PMEPA1: variants seen among roughly 807,000 people sequenced by gnomAD.
The protein encoded by PMEPA1 is protein TMEPAI.
A neutral mutation model predicts 23.0 loss-of-function variants in PMEPA1; 11 were observed. The ratio of observed to expected loss-of-function variants is 0.48; its 90% CI spans 0.30 to 0.79. PMEPA1 has a LOEUF of 0.79. Ranked by LOEUF, PMEPA1 falls within the 30% of genes least tolerant of loss-of-function variation. The pLI is 0.06. For synonymous variants in PMEPA1, 204 were observed against 166.4 expected (o/e 1.23, Z -1.74); for missense variants, 377 against 390.9 (o/e 0.96, Z 0.30).
chr20:57,668,325 C>T (rs1600639812), intron 1 of PMEPA1, among the ~76,000 whole-genome samples: 3 of 152,350 alleles, frequency 2.0e-5, no homozygotes, highest in South Asian at 2.1e-4. Flanking sequence ...CTCAAGTCCT[C>T]GCATTGCCAT....
At position 57,700,585 on chromosome 20, in the gene PMEPA1, C is replaced by T. The variant is rs542700787; in HGVS notation, c.109+8889G>A. On this transcript the variant is annotated intron_variant, in intron 1 of 3. Coordinates refer to ENST00000341744, the MANE Select transcript of PMEPA1 (RefSeq NM_020182.5). The stretch of plus-strand genomic sequence containing the variant: ...TCTTGCTGATGGTGAAGAGTTGGTT[C>T]GTGGAGGTCACAATCAACCTTTATC... 4.6e-5 allele frequency among the ~76,000 whole-genome samples: 7 copies of T among 152,290 alleles called. No homozygotes were observed. In the East Asian group the frequency reaches 5.8e-4, roughly 13 times the overall value.
In PMEPA1 at chr20:57,650,333, G is replaced by A. The variant is rs566082566; in HGVS notation, c.*1720C>T. The A allele has an allele frequency of 2.0e-5, 3 of 152,396 alleles. No individual in the cohort carries two copies. Among genetic ancestry groups the A allele is most frequent in the East Asian group, 3.9e-4 (2 of 5,188 alleles). 9.4% of individuals were successfully genotyped at this position (152,396 alleles called of 1,614,324 possible). ...CATGGGAAGGGAGGGGGTAGCAGCT[G>A]GGAGTCTGCTCTTCCAGCTGGGGGC... On this transcript the variant is annotated 3_prime_UTR_variant, in exon 4 of 4. Coordinates refer to ENST00000341744, the MANE Select transcript of PMEPA1 (RefSeq NM_020182.5).
At chr20:57,684,254 A>T (rs2071768325) in intron 1 of PMEPA1, among the ~76,000 whole-genome samples, 1 of 152,150 alleles carries the variant, frequency 6.6e-6, no homozygotes, top group Non-Finnish European at 1.5e-5. Context: ...TGGTAATGAC[A>T]ATAGTTTTCA....
At chr20:57,702,081 T>C (rs1048948683) in intron 1 of PMEPA1, among the ~76,000 whole-genome samples, 2 of 152,084 alleles carry the variant, frequency 1.3e-5, no homozygotes, top group Admixed American at 1.3e-4. Context: ...CAGCTTCCCT[T>C]CTGAAATGAC....
At position 57,683,626 on chromosome 20, in the gene PMEPA1, T is replaced by C. The variant is rs2071757819; in HGVS notation, c.110-23929A>G. Among the ~76,000 whole-genome samples, 1 of 151,726 alleles carries C rather than the reference T, an allele frequency of 6.6e-6. No homozygotes were observed. Among genetic ancestry groups the C allele is most frequent in the African/African-American group, 2.4e-5 (1 of 41,214 alleles). On this transcript the variant is annotated intron_variant, in intron 1 of 3. Transcript: ENST00000341744. The surrounding 1 kb of genome is among the most constrained non-coding windows in gnomAD (Gnocchi z 4.3). Reference sequence around the variant, plus strand: ...TTCCCCTGAAAATACTTCATGTTGATATTTCTTCTTAAAGATGCTGTAATT... The same window carrying C: ...TTCCCCTGAAAATACTTCATGTTGACATTTCTTCTTAAAGATGCTGTAATT...
upstream of PMEPA1, chr20:57,710,796 C>A: frequency 3.1e-6 from 1 of 318,162 alleles, no homozygotes. Flanking sequence ...TACAGGAGTG[C>A]TACAAGAACA....
rs774716254 is a variant in PMEPA1, at chr20:57,652,139, G to A, written c.778C>T (p.Arg260Trp). ...SGPPSLLEGT[R>W]LHHTHIAPLE... The stretch of plus-strand genomic sequence containing the variant: ...GGCGCGATGTGTGTGTGGTGGAGCC[G>A]GGTCCCCTCCAGCAAGGAGGGCGGC... Residue 260 changes from arginine (R) to tryptophan (W), a missense_variant, in exon 4 of 4, where the codon CGG (arginine) becomes TGG (tryptophan). Transcript: ENST00000341744. This position sits in a 1 kb window ranked among gnomAD's most constrained non-coding sequence, Gnocchi z 6.1. 1.9e-6 allele frequency: 3 copies of A among 1,596,802 alleles called. No homozygotes were observed. Among genetic ancestry groups the A allele is most frequent in the Non-Finnish European group, 2.6e-6 (3 of 1,171,636 alleles).
Position 57,648,667 on chromosome 20 carries a change from A to C in PMEPA1, c.*3386T>G, listed in dbSNP as rs564116332. 6.6e-6 allele frequency: 1 copy of C among 152,444 alleles called. No homozygotes were observed. The highest frequency in any genetic ancestry group is 1.5e-5 in the Non-Finnish European group (1 of 68,092). 9.4% of individuals were successfully genotyped at this position (152,444 alleles called of 1,614,324 possible). A position where few individuals can be genotyped will look rare whatever the true frequency, so the allele number is the denominator to read the frequency against. ...CCAACGTGAAAGCATTGGAATCAGC[A>C]CAACAGCCATGGAATCAGGCAGGCA... On this transcript the variant is annotated 3_prime_UTR_variant, in exon 4 of 4. Transcript: ENST00000341744.
At chr20:57,689,424 G>A (rs2071846579) in intron 1 of PMEPA1, among the ~76,000 whole-genome samples, 1 of 152,188 alleles carries the variant, frequency 6.6e-6, no homozygotes, top group Non-Finnish European at 1.5e-5. Context: ...TGGGGAGTGG[G>A]GCGAGGTGAG....
intron 1 of PMEPA1, among the ~76,000 whole-genome samples, chr20:57,669,471 T>G (rs2071538554): frequency 6.6e-6 from 1 of 152,182 alleles, no homozygotes; most frequent in African/African-American, 2.4e-5. Flanking sequence ...GAAGCTCATT[T>G]ATTCTGGTGT....
chr20:57,701,412 C>T (rs1282548927), intron 1 of PMEPA1, among the ~76,000 whole-genome samples: 1 of 152,184 alleles, frequency 6.6e-6, no homozygotes, highest in South Asian at 2.1e-4. Context: ...TGGGGGCCTG[C>T]AGCAAGCTCT....
chr20:57,658,373 A>G (rs1044460229), intron 2 of PMEPA1, among the ~76,000 whole-genome samples: 1 of 152,130 alleles, frequency 6.6e-6, no homozygotes, highest in Non-Finnish European at 1.5e-5. Flanking sequence ...CTTCCTGGCC[A>G]CGGCCCTCGG....
chr20:57,676,157 G>A (rs978990399), intron 1 of PMEPA1, among the ~76,000 whole-genome samples: 4 of 152,382 alleles, frequency 2.6e-5, no homozygotes, highest in African/African-American at 9.6e-5. Context: ...CAGCAAAGCT[G>A]TGGAAGGCAG....
chr20:57,709,532 C>T lies in PMEPA1; in HGVS notation c.51G>A (p.Gln17=), dbSNP rs546842988. 8.9e-7 allele frequency: 1 copy of T among 1,125,582 alleles called. No individual in the cohort carries two copies. The highest frequency in any genetic ancestry group is 2.5e-5 in the South Asian group (1 of 39,954). 69.7% of individuals were successfully genotyped at this position (1,125,582 alleles called of 1,614,324 possible). A position where few individuals can be genotyped will look rare whatever the true frequency, so the allele number is the denominator to read the frequency against. Residue 17 remains glutamine, a synonymous_variant, in exon 1 of 4, where the codon CAG becomes CAA. Transcript: ENST00000341744. ...VNSTAAAAAG[Q]PNVSCTCNCK... ...AGTTGCACGTGCAGGAGACATTGGG[C>T]TGCCCGGCGGCGGCGGCGGCGGTGC... is the stretch of plus-strand genomic sequence containing the variant.
At chr20:57,674,291 AG>A (rs1439226636) in intron 1 of PMEPA1, among the ~76,000 whole-genome samples, 7 of 152,226 alleles carry the variant, frequency 4.6e-5, no homozygotes, top group African/African-American at 1.7e-4. Flanking sequence ...GCTGGCACCA[AG>A]GAACGGCCAT....
intron 1 of PMEPA1, among the ~76,000 whole-genome samples, chr20:57,673,113 C>G (rs914800520): frequency 2.8e-4 from 42 of 152,178 alleles, no homozygotes; most frequent in Middle Eastern, 3.4e-3. Context: ...ACCAATTGCC[C>G]CTGACTGTGG....
chr20:57,662,137 A>AGCGTGCC (rs1233700913), intron 1 of PMEPA1, among the ~76,000 whole-genome samples: 2 of 151,652 alleles, frequency 1.3e-5, no homozygotes, highest in African/African-American at 2.4e-5. Flanking sequence ...GCACCCAGGG[A>AGCGTGCC]ACATGTGGCG....
chr20:57,700,301 C>T (rs2071994184), intron 1 of PMEPA1: 2 of 362,306 alleles, frequency 5.5e-6, no homozygotes, highest in Non-Finnish European at 1.1e-5. Flanking sequence ...AACTCCACTT[C>T]CACCAACTGT....
In PMEPA1 at chr20:57,649,765, G is replaced by A. The variant is rs1275959056; in HGVS notation, c.*2288C>T. On this transcript the variant is annotated 3_prime_UTR_variant, in exon 4 of 4. Coordinates refer to ENST00000341744, the MANE Select transcript of PMEPA1 (RefSeq NM_020182.5). ...AGACAGGGTGAGGACGCGCGAGGATGATGGGGTGTCTGAAAAGCAGGAGCC... is the reference window on the plus strand; with the variant it reads ...AGACAGGGTGAGGACGCGCGAGGATAATGGGGTGTCTGAAAAGCAGGAGCC... 6.6e-6 allele frequency: 1 copy of A among 152,648 alleles called. No individual in the cohort carries two copies. The highest frequency in any genetic ancestry group is 2.4e-5 in the African/African-American group (1 of 41,448). 9.5% of individuals were successfully genotyped at this position (152,648 alleles called of 1,614,324 possible). A position where few individuals can be genotyped will look rare whatever the true frequency, so the allele number is the denominator to read the frequency against.
Sources: gnomAD v4.1 joint callset for allele counts (sites outside exome capture counted in the v4.1 genomes callset) on GRCh38, gnomAD v4.1.1 for gene constraint, Gnocchi (gnomAD v3.1) non-coding constraint, MANE v1.5 for transcripts, NCBI Gene and HGNC (gene_info 2026-07-23, HGNC 2026-07-21) for gene names.